The following RHOT1 variants were observed in gnomAD, a reference collection of about 807,000 sequenced individuals.
RHOT1 encodes mitochondrial Rho GTPase 1.
RHOT1 carries 27 observed loss-of-function variants against 95.3 expected under a neutral mutation model. The observed-to-expected ratio is 0.28, with a 90% CI of 0.21 to 0.39. The LOEUF is 0.39. Among genes scored for constraint, RHOT1 ranks in the 10% least tolerant of loss-of-function variants. The pLI is 1.00. For missense variants in RHOT1, 578 were observed against 786.7 expected, an observed-to-expected ratio of 0.73 and a Z score of 3.17; for synonymous variants, 227 against 263.5, an observed-to-expected ratio of 0.86 and a Z score of 1.34.
intron 1 of RHOT1, chr17:32,150,593 C>T: frequency 6.3e-7 from 1 of 1,586,502 alleles, no homozygotes; most frequent in Admixed American, 1.7e-5. Context: ...CCCTGTCCTC[C>T]TACCTGGTAC....
At chr17:32,169,690 A>C (rs534777372) in intron 1 of RHOT1, among the ~76,000 whole-genome samples, 1 of 152,292 alleles carries the variant, frequency 6.6e-6, no homozygotes, top group African/African-American at 2.4e-5. Context: ...TAGAAATACT[A>C]ATTGTTGCAT....
chr17:32,157,164 C>T (rs2033046463), intron 1 of RHOT1, among the ~76,000 whole-genome samples: 1 of 152,190 alleles, frequency 6.6e-6, no homozygotes. Flanking sequence ...AAAGTATTAC[C>T]AATCATTTGA....
At chr17:32,203,027 A>G in intron 15 of RHOT1, 127 bp downstream of exon 15, 1 of 856,068 alleles carries the variant, frequency 1.2e-6, no homozygotes, top group Non-Finnish European at 1.8e-6. Context: ...TTAGTCAAGT[A>G]CAGTCTAAAT....
chr17:32,220,990 T>C (rs2038797215), intron 19 of RHOT1: 2 of 771,488 alleles, frequency 2.6e-6, no homozygotes, highest in South Asian at 5.9e-5. Context: ...TATAAGTTAT[T>C]CTAAGATGAT....
chr17:32,167,196 CT>C (rs576229727), intron 1 of RHOT1, among the ~76,000 whole-genome samples: 101 of 145,312 alleles, frequency 7.0e-4, no homozygotes, highest in Non-Finnish European at 5.9e-4. Context: ...TGAAAGGAAT[CT>C]TTTTTTTTTT....
At chr17:32,209,715 A>G (rs970265116) in intron 18 of RHOT1, 2 of 287,444 alleles carry the variant, frequency 7.0e-6, no homozygotes, top group African/African-American at 4.4e-5. Context: ...TGTGTGTGTT[A>G]TATGATAAAT....
At chr17:32,214,586 A>G (rs778413113) in intron 19 of RHOT1, among the ~76,000 whole-genome samples, 2 of 152,124 alleles carry the variant, frequency 1.3e-5, no homozygotes, top group Non-Finnish European at 2.9e-5. Context: ...CTCCTTTCCC[A>G]TGAAAAATTT....
At chr17:32,207,958 A>G in intron 17 of RHOT1, 149 bp from the exon 18 acceptor site, 1 of 643,556 alleles carries the variant, frequency 1.6e-6, no homozygotes, top group Non-Finnish European at 2.7e-6. Context: ...ATTTACCTAG[A>G]CCACTGCCAA....
In RHOT1 at chr17:32,192,272, C is replaced by T. The variant is rs1247156519; in HGVS notation, c.612C>T (p.Leu204=). The T allele has an allele frequency of 3.2e-6, 5 of 1,573,186 alleles. No individual in the cohort carries two copies. The East Asian group carries it at 1.1e-4, about 36-fold the overall frequency. The change falls in exon 9 of 20, where the codon CTC becomes CTT. Residue 204 remains leucine (L), a synonymous_variant. Coordinates refer to ENST00000545287, the MANE Select transcript of RHOT1 (RefSeq NM_001033566.3). ...CTGATCAAGATAATGATGGTACTCT[C>T]AATGATGCTGAACTCAACTTCTTTC... ...KISDQDNDGT[L]NDAELNFFQR... is the part of the protein sequence containing the mutation.
chr17:32,155,285 G>A (rs1015936934), intron 1 of RHOT1, among the ~76,000 whole-genome samples: 4 of 151,528 alleles, frequency 2.6e-5, no homozygotes, highest in Admixed American at 2.6e-4. Context: ...TCAGCCTCCC[G>A]TGTAGCTGTG....
intron 19 of RHOT1, chr17:32,221,083 A>T: frequency 4.1e-6 from 4 of 983,630 alleles, no homozygotes; most frequent in Non-Finnish European, 4.8e-6. Flanking sequence ...ATGAGCCAGA[A>T]GCGGCCAGGC....
At chr17:32,149,959 C>T (rs1483224005) in intron 1 of RHOT1, among the ~76,000 whole-genome samples, 1 of 151,960 alleles carries the variant, frequency 6.6e-6, no homozygotes, top group Non-Finnish European at 1.5e-5. Flanking sequence ...CCATGTTGGC[C>T]AAGCTGGTCT....
At chr17:32,218,620 C>A (rs966624377) in intron 19 of RHOT1, among the ~76,000 whole-genome samples, 1 of 151,774 alleles carries the variant, frequency 6.6e-6, no homozygotes, top group Non-Finnish European at 1.5e-5. Flanking sequence ...CCAGCCTGGG[C>A]AACAAAGTTG....
At position 32,194,008 on chromosome 17, in the gene RHOT1, T is replaced by A; in HGVS notation, c.770T>A (p.Leu257His). 6.2e-7 allele frequency: 1 copy of A among 1,613,380 alleles called. No individual in the cohort carries two copies. The highest frequency in any genetic ancestry group is 8.5e-7 in the Non-Finnish European group (1 of 1,179,346). The change falls in exon 11 of 20, where the codon CTT becomes CAT. Residue 257 changes from leucine to histidine, a missense_variant. Leu to His is a moderately conservative substitution (Grantham distance 99). Transcript: ENST00000545287. ...TLKGFLFLHT[L>H]FIQRGRHETT... is the part of the protein sequence containing the mutation. ...TCAGGTTTTCTCTTTTTACACACAC[T>A]TTTTATCCAGAGAGGGAGACACGAA...
At chr17:32,223,506 C>T (rs1416155959) in intron 19 of RHOT1, among the ~76,000 whole-genome samples, 1 of 151,260 alleles carries the variant, frequency 6.6e-6, no homozygotes, top group Non-Finnish European at 1.5e-5. Context: ...ACTCCGTCTT[C>T]TAGGTTCAAG....
chr17:32,177,779 C>T (rs1339353151), intron 6 of RHOT1, among the ~76,000 whole-genome samples: 2 of 148,064 alleles, frequency 1.4e-5, no homozygotes, highest in Admixed American at 6.7e-5. Context: ...AGAGCCCCAT[C>T]GAGCCTGCAG....
chr17:32,142,996 C>T (rs996499722), intron 1 of RHOT1: 1 of 701,252 alleles, frequency 1.4e-6, no homozygotes, highest in Non-Finnish European at 2.6e-6. Flanking sequence ...CCTCCCAAGC[C>T]ATGTCCCTAT....
rs1374872866 is a variant in RHOT1 at position 32,225,461 on chromosome 17, A to G, written c.*728A>G. The stretch of plus-strand genomic sequence containing the variant: ...TAAAAAAAAAATTTGTATATTACCA[A>G]TGTTTTTAGTTTAAATAAAGAGTCA... On this transcript the variant is annotated 3_prime_UTR_variant, in exon 20 of 20. Coordinates refer to ENST00000545287, the MANE Select transcript of RHOT1 (RefSeq NM_001033566.3). The G allele has an allele frequency of 2.0e-5, 3 of 152,566 alleles. No homozygotes were observed. Among genetic ancestry groups the G allele is most frequent in the Admixed American group, 1.3e-4 (2 of 15,262 alleles). 9.5% of individuals were successfully genotyped at this position (152,566 alleles called of 1,614,324 possible). A position where few individuals can be genotyped will look rare whatever the true frequency, so the allele number is the denominator to read the frequency against.
intron 19 of RHOT1, among the ~76,000 whole-genome samples, chr17:32,223,442 T>G: frequency 6.7e-6 from 1 of 149,440 alleles, no homozygotes; most frequent in African/African-American, 2.5e-5. Context: ...TGCGATAGAG[T>G]CTCACTCTGT....
Sources: gnomAD v4.1 joint callset for allele counts (sites outside exome capture counted in the v4.1 genomes callset) on GRCh38, gnomAD v4.1.1 for gene constraint, MANE v1.5 for transcripts, NCBI Gene and HGNC (gene_info 2026-07-23, HGNC 2026-07-21) for gene names.